Variants in HORMAD2 observed in about 807,000 individuals in gnomAD.
HORMAD2 encodes HORMA domain-containing protein 2.
Under a neutral mutation model 38.8 loss-of-function variants are expected in HORMAD2, and 45 were observed. The observed-to-expected ratio is 1.16, with a 90% CI of 0.91 to 1.49. HORMAD2 has a LOEUF of 1.49. Among genes scored for constraint, HORMAD2 ranks in the 40% most tolerant of loss-of-function variants. The probability of loss-of-function intolerance (pLI) is 0.00; values close to 1 mark genes in which losing one functional copy is unlikely to be tolerated. For synonymous variants in HORMAD2, 126 were observed against 122.8 expected, an observed-to-expected ratio of 1.03 and a Z score of -0.17; for missense variants, 338 against 367.0, an observed-to-expected ratio of 0.92 and a Z score of 0.65.
chr22:30,078,788 T>C (rs1458986966), upstream of HORMAD2, among the ~76,000 whole-genome samples: 2 of 151,682 alleles, frequency 1.3e-5, no homozygotes, highest in Non-Finnish European at 2.9e-5. Context: ...AGAAGAAAAT[T>C]AGAACAGCCA....
intron 5 of HORMAD2, among the ~76,000 whole-genome samples, chr22:30,106,915 C>T (rs1171637417): frequency 1.3e-5 from 2 of 152,164 alleles, no homozygotes; most frequent in African/African-American, 4.8e-5. Flanking sequence ...GAAGCCTCAC[C>T]TCAAAATTTC....
At chr22:30,187,303 A>G in the HORMAD2 span, among the ~76,000 whole-genome samples, 32 of 152,340 alleles carry the variant, frequency 2.1e-4, no homozygotes, top group African/African-American at 7.2e-4. Context: ...TGAGGCACAG[A>G]GAAATTAAGT....
chr22:30,194,625 T>A, the HORMAD2 span, among the ~76,000 whole-genome samples: 2 of 152,178 alleles, frequency 1.3e-5, no homozygotes, highest in Admixed American at 6.5e-5. Context: ...TCCAATATCA[T>A]TGTGGCAATG....
chr22:30,135,796 A>C (rs1923611843), intron 10 of HORMAD2, among the ~76,000 whole-genome samples: 1 of 152,234 alleles, frequency 6.6e-6, no homozygotes, highest in African/African-American at 2.4e-5. Context: ...AAGTTTTAAA[A>C]TATGCCTCAA....
chr22:30,095,857 G>T (rs1049749516), intron 2 of HORMAD2, among the ~76,000 whole-genome samples: 1 of 151,346 alleles, frequency 6.6e-6, no homozygotes, highest in African/African-American at 2.4e-5. Context: ...GAATTTTTAC[G>T]AACTTAACAC....
At chr22:30,146,480 CA>C (rs1222946905) in intron 10 of HORMAD2, among the ~76,000 whole-genome samples, 2 of 151,946 alleles carry the variant, frequency 1.3e-5, no homozygotes, top group Non-Finnish European at 2.9e-5. Flanking sequence ...GGCGACAGAG[CA>C]AGACTCTGTC....
In HORMAD2 at chr22:30,116,113, G is replaced by A. The variant is rs1922027388; in HGVS notation, c.343-2867G>A. On this transcript the variant is annotated intron_variant, in intron 7 of 10. Transcript: ENST00000336726. ...AATATTATTATTATCATTAACCGGA[G>A]ACCACATGTTCCAGAATATAGCTGT... Among the ~76,000 whole-genome samples, 3 of 152,194 alleles carry A rather than the reference G, an allele frequency of 2.0e-5. No homozygotes were observed. The South Asian group carries it at 6.2e-4, about 32-fold the overall frequency.
At chr22:30,111,001 C>A (rs1921597585) in intron 5 of HORMAD2, among the ~76,000 whole-genome samples, 1 of 151,206 alleles carries the variant, frequency 6.6e-6, no homozygotes, top group Non-Finnish European at 1.5e-5. Flanking sequence ...ACTAAAAATA[C>A]AAAAATTAGC....
At chr22:30,098,098 C>T (rs887397352) in intron 2 of HORMAD2, among the ~76,000 whole-genome samples, 7 of 152,112 alleles carry the variant, frequency 4.6e-5, no homozygotes, top group Non-Finnish European at 8.8e-5. Context: ...CAGAGATAAA[C>T]TGAGTTTAAG....
chr22:30,163,411 G>A lies in HORMAD2; in HGVS notation c.820-12652G>A, dbSNP rs563638080. Among the ~76,000 whole-genome samples the A allele has an allele frequency of 3.3e-5, 5 of 152,138 alleles. No individual in the cohort carries two copies. In the South Asian group the frequency reaches 6.2e-4, roughly 19 times the overall value. On this transcript the variant is annotated intron_variant, in intron 10 of 10. Transcript: ENST00000336726. Reference sequence around the variant, plus strand: ...TGGTTTTGTCATTTTTATAAATCATGTGCTGATTTTCTTTTCTTTTTTTGT... The same window carrying A: ...TGGTTTTGTCATTTTTATAAATCATATGCTGATTTTCTTTTCTTTTTTTGT...
the HORMAD2 span, among the ~76,000 whole-genome samples, chr22:30,186,565 C>A: frequency 6.6e-6 from 1 of 152,078 alleles, no homozygotes; most frequent in African/African-American, 2.4e-5. Context: ...GACCCTCTTA[C>A]TGATGGGAAA....
the HORMAD2 span, among the ~76,000 whole-genome samples, chr22:30,196,358 C>T: frequency 6.6e-5 from 10 of 152,144 alleles, no homozygotes; most frequent in Non-Finnish European, 1.2e-4. Context: ...CTGGCTTCCT[C>T]CTCCCTGGAG....
At chr22:30,093,378 A>G (rs2068726165) in intron 1 of HORMAD2, among the ~76,000 whole-genome samples, 2 of 152,170 alleles carry the variant, frequency 1.3e-5, no homozygotes, top group South Asian at 2.1e-4. Flanking sequence ...TAGTTCAAGA[A>G]ATGTTTTTGA....
chr22:30,138,907 C>T (rs1211045420), intron 10 of HORMAD2, among the ~76,000 whole-genome samples: 1 of 152,050 alleles, frequency 6.6e-6, no homozygotes, highest in Non-Finnish European at 1.5e-5. Flanking sequence ...ATGAAATTAA[C>T]ATTTAAATCA....
At chr22:30,137,422 G>C in intron 10 of HORMAD2, 1 of 415,134 alleles carries the variant, frequency 2.4e-6, no homozygotes, top group South Asian at 2.1e-5. Flanking sequence ...AGGAGGTCAA[G>C]GCTGCAGTGA....
intron 2 of HORMAD2, among the ~76,000 whole-genome samples, chr22:30,097,428 A>G (rs1268789365): frequency 1.3e-5 from 2 of 152,194 alleles, no homozygotes; most frequent in African/African-American, 4.8e-5. Context: ...ACTATGTTGT[A>G]TATATATACA....
At chr22:30,100,549 C>T (rs1920935666) in intron 3 of HORMAD2, among the ~76,000 whole-genome samples, 1 of 152,098 alleles carries the variant, frequency 6.6e-6, no homozygotes, top group Non-Finnish European at 1.5e-5. Context: ...ACTAAAGCAC[C>T]AAAAGCAATT....
At chr22:30,139,370 A>T (rs866043502) in intron 10 of HORMAD2, among the ~76,000 whole-genome samples, 7 of 147,124 alleles carry the variant, frequency 4.8e-5, no homozygotes, top group Non-Finnish European at 7.5e-5. Context: ...TTATATATAT[A>T]TTTTTTCATC....
chr22:30,178,973 G>T (rs899863817), downstream of HORMAD2, among the ~76,000 whole-genome samples: 1 of 152,082 alleles, frequency 6.6e-6, no homozygotes, highest in Admixed American at 6.6e-5. Context: ...CTGCTGTCTG[G>T]GTCCTTTCAT....
Sources: gnomAD v4.1 joint callset for allele counts (sites outside exome capture counted in the v4.1 genomes callset) on GRCh38, gnomAD v4.1.1 for gene constraint, MANE v1.5 for transcripts, NCBI Gene and HGNC (gene_info 2026-07-23, HGNC 2026-07-21) for gene names.